SLC16A7: variants seen among roughly 807,000 people sequenced by gnomAD.
SLC16A7 encodes the protein monocarboxylate transporter 2.
SLC16A7 carries 33 observed loss-of-function variants against 34.9 expected under a neutral mutation model. That is an observed-to-expected ratio of 0.94 (90% CI 0.72 to 1.26). The LOEUF is 1.26. SLC16A7 is among the 50% of genes most tolerant of loss of function. SLC16A7 has a pLI of 0.00. For synonymous variants in SLC16A7, 201 were observed against 206.6 expected (o/e 0.97, Z 0.23); for missense variants, 573 against 578.1 (o/e 0.99, Z 0.09).
intron 1 of SLC16A7, among the ~76,000 whole-genome samples, chr12:59,616,613 A>G (rs1242905380): frequency 6.6e-6 from 1 of 152,128 alleles, no homozygotes; most frequent in East Asian, 1.9e-4. Flanking sequence ...GCTTGACTCA[A>G]TTCCTTAGTT....
At chr12:59,640,262 A>G (rs1880620341) in intron 1 of SLC16A7, among the ~76,000 whole-genome samples, 1 of 152,130 alleles carries the variant, frequency 6.6e-6, no homozygotes, top group African/African-American at 2.4e-5. Flanking sequence ...GCTCAACACA[A>G]TTAGTAAGCA....
At chr12:59,742,216 G>C (rs912754880) in intron 3 of SLC16A7, among the ~76,000 whole-genome samples, 1 of 152,130 alleles carries the variant, frequency 6.6e-6, no homozygotes, top group African/African-American at 2.4e-5. Context: ...AGTGCCCCTG[G>C]AAAGTCATAT....
intron 3 of SLC16A7, chr12:59,761,041 A>G (rs2137388571): frequency 1.9e-6 from 1 of 534,670 alleles, no homozygotes; most frequent in Non-Finnish European, 3.1e-6. Flanking sequence ...TAGTCTTCAA[A>G]TACTTTAAAT....
intron 3 of SLC16A7, among the ~76,000 whole-genome samples, chr12:59,718,251 C>T (rs938419430): frequency 6.6e-6 from 1 of 151,886 alleles, no homozygotes; most frequent in Admixed American, 6.6e-5. Flanking sequence ...TTATTTATTC[C>T]TTTGGAGTGC....
At chr12:59,610,886 A>G (rs188891130) in intron 1 of SLC16A7, among the ~76,000 whole-genome samples, 48 of 152,350 alleles carry the variant, frequency 3.2e-4, no homozygotes, top group East Asian at 5.8e-4. Context: ...TTGGGCTGCT[A>G]TAACAAAGTA....
At chr12:59,774,611 C>A in intron 4 of SLC16A7, 46 bp from the exon 5 acceptor site, 1 of 1,218,222 alleles carries the variant, frequency 8.2e-7, no homozygotes, top group South Asian at 1.5e-5. Flanking sequence ...TTGTGAGTGC[C>A]ATAATGTGTT....
rs116468909 is a variant in SLC16A7, at chr12:59,771,635, G to C, written c.361+273G>C. 2.0e-3 allele frequency among the ~76,000 whole-genome samples: 309 copies of C among 151,608 alleles called. 1 individual carries two copies. The highest frequency in any genetic ancestry group is 7.3e-3 in the African/African-American group (301 of 41,436). Reference sequence around the variant, plus strand: ...TTTAGTTTGCTTTTTTTCCTTTTTTGCTTTTTTCTCTTCAGCCAATGGAGA... The same window carrying C: ...TTTAGTTTGCTTTTTTTCCTTTTTTCCTTTTTTCTCTTCAGCCAATGGAGA... On this transcript the variant is annotated intron_variant, in intron 4 of 5. Transcript: ENST00000547379.
rs186823707 is a variant in SLC16A7 at position 59,747,506 on chromosome 12, A to T, written c.218-23713A>T. The stretch of plus-strand genomic sequence containing the variant: ...TTGTATCATTCTTTTCCTGATCCCC[A>T]CCACATATCTAGAACTTGTGATCTT... On this transcript the variant is annotated intron_variant, in intron 3 of 5. Coordinates refer to ENST00000547379, the MANE Select transcript of SLC16A7 (RefSeq NM_001270623.2). Among the ~76,000 whole-genome samples, 10 of 152,280 alleles carry T rather than the reference A, an allele frequency of 6.6e-5. No homozygotes were observed. The East Asian group carries it at 1.7e-3, about 26-fold the overall frequency.
chr12:59,598,369 C>T (rs1878525141), intron 1 of SLC16A7, among the ~76,000 whole-genome samples: 1 of 152,162 alleles, frequency 6.6e-6, no homozygotes, highest in Non-Finnish European at 1.5e-5. Context: ...CCCCTATAAT[C>T]AGTCTAGACA....
intron 3 of SLC16A7, among the ~76,000 whole-genome samples, chr12:59,719,440 A>G (rs549494155): frequency 6.6e-6 from 1 of 152,126 alleles, no homozygotes; most frequent in African/African-American, 2.4e-5. Context: ...AGCTTGAAAA[A>G]GATCTATTTT....
At chr12:59,645,942 AT>A (rs1176794981) in intron 1 of SLC16A7, among the ~76,000 whole-genome samples, 2 of 152,168 alleles carry the variant, frequency 1.3e-5, no homozygotes, top group East Asian at 3.9e-4. Context: ...GACCAGCAGC[AT>A]TTTGCCCCTG....
intron 1 of SLC16A7, among the ~76,000 whole-genome samples, chr12:59,624,690 A>G (rs1879844333): frequency 6.6e-6 from 1 of 151,242 alleles, no homozygotes; most frequent in African/African-American, 2.4e-5. Flanking sequence ...TTTGTTCCCC[A>G]CTATTAGCAC....
rs1458035953 is a variant in SLC16A7, at chr12:59,709,240, A to G, written c.217+4222A>G. 4.0e-5 allele frequency among the ~76,000 whole-genome samples: 6 copies of G among 151,618 alleles called. 1 individual carries two copies. The highest frequency in any genetic ancestry group is 9.8e-5 in the African/African-American group (4 of 40,966). ...TAAAAATCTATTCTGACTTGGAAGA[A>G]TCAGCCATTCTGGAGAGAAGAATTG... is the stretch of plus-strand genomic sequence containing the variant. On this transcript the variant is annotated intron_variant, in intron 3 of 5. Coordinates refer to ENST00000547379, the MANE Select transcript of SLC16A7 (RefSeq NM_001270623.2).
intron 2 of SLC16A7, among the ~76,000 whole-genome samples, chr12:59,681,685 T>C (rs1484385495): frequency 2.0e-5 from 3 of 152,220 alleles, no homozygotes; most frequent in Non-Finnish European, 2.9e-5. Context: ...CAAGTTTAAA[T>C]GTTACTGAAC....
chr12:59,681,846 G>A (rs1247939450), intron 2 of SLC16A7, among the ~76,000 whole-genome samples: 1 of 152,040 alleles, frequency 6.6e-6, no homozygotes, highest in African/African-American at 2.4e-5. Context: ...AGGCCCCTGA[G>A]GAACATGGCT....
chr12:59,663,885 T>C (rs1868986766), intron 2 of SLC16A7, among the ~76,000 whole-genome samples: 1 of 152,068 alleles, frequency 6.6e-6, no homozygotes, highest in Admixed American at 6.6e-5. Flanking sequence ...TTATACACAT[T>C]TAGAAATGCA....
At chr12:59,644,019 G>C (rs1451148816) in intron 1 of SLC16A7, among the ~76,000 whole-genome samples, 1 of 152,042 alleles carries the variant, frequency 6.6e-6, no homozygotes. Flanking sequence ...CTGAGCATAT[G>C]GCAGATTTTG....
chr12:59,772,245 A>G (rs1298150395), intron 4 of SLC16A7, among the ~76,000 whole-genome samples: 3 of 152,164 alleles, frequency 2.0e-5, no homozygotes, highest in African/African-American at 7.2e-5. Flanking sequence ...TGATGTTAAA[A>G]TCTTTCTCTT....
At chr12:59,753,316 G>T (rs544323870) in intron 3 of SLC16A7, among the ~76,000 whole-genome samples, 2 of 152,264 alleles carry the variant, frequency 1.3e-5, no homozygotes, top group African/African-American at 4.8e-5. Flanking sequence ...CTGGCAAATT[G>T]GATAAAGAGT....
Sources: gnomAD v4.1 joint callset for allele counts (sites outside exome capture counted in the v4.1 genomes callset) on GRCh38, gnomAD v4.1.1 for gene constraint, MANE v1.5 for transcripts, NCBI Gene and HGNC (gene_info 2026-07-23, HGNC 2026-07-21) for gene names.